SCN10A: variants seen among roughly 807,000 people sequenced by gnomAD.
The protein encoded by SCN10A is sodium channel protein type 10 subunit alpha.
Under a neutral mutation model 170.7 loss-of-function variants are expected in SCN10A, and 162 were observed. The observed-to-expected ratio is 0.95, with a 90% CI of 0.84 to 1.08. SCN10A has a LOEUF of 1.08. Among genes scored for constraint, SCN10A ranks in the 50% least tolerant of loss-of-function variants. SCN10A has a pLI of 0.00. For missense variants in SCN10A, 2,527 were observed against 2,436.9 expected (o/e 1.04, Z -0.78); for synonymous variants, 985 against 904.6 (o/e 1.09, Z -1.59).
At chr3:38,721,703 A>G (rs1010611707) in intron 20 of SCN10A, among the ~76,000 whole-genome samples, 5 of 152,232 alleles carry the variant, frequency 3.3e-5, no homozygotes, top group Non-Finnish European at 7.3e-5. Flanking sequence ...AGATTTATGG[A>G]ATGAGAATCT....
In SCN10A at chr3:38,740,608, C is replaced by T. The variant is rs116775165; in HGVS notation, c.2107-920G>A. 2.4e-3 allele frequency among the ~76,000 whole-genome samples: 360 copies of T among 152,202 alleles called. 2 individuals are homozygous for T. Among genetic ancestry groups the T allele is most frequent in the African/African-American group, 7.7e-3 (320 of 41,520 alleles). On this transcript the variant is annotated intron_variant, in intron 14 of 27. Coordinates refer to ENST00000449082, the MANE Select transcript of SCN10A (RefSeq NM_006514.4). ...CTTGTGTCTTCCAGAGACCTGGGTC[C>T]ACCCTGGATCCACCCTCACCAGCTA...
Position 38,760,574 on chromosome 3 carries a change from A to T in SCN10A, c.950+107T>A, listed in dbSNP as rs906198921. On this transcript the variant is annotated intron_variant, in intron 8 of 27. Transcript: ENST00000449082. Reference sequence around the variant, plus strand: ...CAAAGGCCATGATTTATTTATTTATACATCTTTCCCAGGACCTGCAACCCC... The same window carrying T: ...CAAAGGCCATGATTTATTTATTTATTCATCTTTCCCAGGACCTGCAACCCC... The T allele has an allele frequency of 4.7e-6, 4 of 857,976 alleles. No individual in the cohort carries two copies. In the African/African-American group the frequency reaches 5.1e-5, roughly 11 times the overall value. The allele number at this position is 857,976 out of a possible 1,614,324, so 53.1% of individuals were successfully genotyped here.
rs2063438801 is a variant in SCN10A at position 38,725,121 on chromosome 3, CT to C, written c.3228+52del. 8 of 1,502,572 alleles carry C rather than the reference CT, an allele frequency of 5.3e-6. No homozygotes were observed. In the South Asian group the frequency reaches 1.1e-4, roughly 20 times the overall value. The allele number at this position is 1,502,572 out of a possible 1,614,324, so 93.1% of individuals were successfully genotyped here. ...CCACCCTCCAGCCTCTACCAGCCCA[CT>C]GCTCAGTGTCTGGCTGGCTGTCCAA... On this transcript the variant is annotated intron_variant, in intron 18 of 27. Transcript: ENST00000449082.
chr3:38,753,885 C>G (rs772850179), intron 11 of SCN10A, among the ~76,000 whole-genome samples: 14 of 152,148 alleles, frequency 9.2e-5, no homozygotes, highest in Admixed American at 5.2e-4. Context: ...TCTAACGAGA[C>G]CAACTGGTCT....
chr3:38,777,863 A>G (rs1488767870), intron 4 of SCN10A, among the ~76,000 whole-genome samples: 2 of 152,114 alleles, frequency 1.3e-5, no homozygotes, highest in African/African-American at 4.8e-5. Context: ...ATATGGAAAA[A>G]TATTGGAAGC....
At chr3:38,767,815 C>G (rs2063950305) in intron 5 of SCN10A, among the ~76,000 whole-genome samples, 1 of 152,024 alleles carries the variant, frequency 6.6e-6, no homozygotes, top group African/African-American at 2.4e-5. Flanking sequence ...TCTTGATGAC[C>G]TGTCTAGTGC....
At chr3:38,799,007 T>C (rs2064356387) in intron 1 of SCN10A, among the ~76,000 whole-genome samples, 1 of 152,042 alleles carries the variant, frequency 6.6e-6, no homozygotes. Context: ...GGTCTCAAAC[T>C]CCTGGGCTCA....
intron 1 of SCN10A, among the ~76,000 whole-genome samples, chr3:38,809,140 T>C (rs2064423897): frequency 6.6e-6 from 1 of 152,226 alleles, no homozygotes; most frequent in Non-Finnish European, 1.5e-5. Flanking sequence ...GCAGGTTCCA[T>C]GCAGACAGGT....
intron 24 of SCN10A, 136 bp downstream of exon 24, chr3:38,710,708 A>C: frequency 1.3e-6 from 1 of 781,876 alleles, no homozygotes; most frequent in Non-Finnish European, 2.1e-6. Flanking sequence ...ACACTGCTGC[A>C]AGGAGGGACA....
chr3:38,707,265 C>T lies in SCN10A; in HGVS notation c.4386+14G>A, dbSNP rs751281512. 2 of 1,613,278 alleles carry T rather than the reference C, an allele frequency of 1.2e-6. No homozygotes were observed. Among genetic ancestry groups the T allele is most frequent in the Non-Finnish European group, 8.5e-7 (1 of 1,179,784 alleles). On this transcript the variant is annotated intron_variant, in intron 26 of 27. Transcript: ENST00000449082. ...CACAGACAGGCTGTGCTAGAGGAAA[C>T]CTCTGGGGCTCACCAGGGGCCGTGG...
intron 5 of SCN10A, among the ~76,000 whole-genome samples, chr3:38,766,416 C>T (rs547823486): frequency 1.1e-4 from 17 of 152,134 alleles, no homozygotes; most frequent in African/African-American, 4.1e-4. Context: ...CCCTTCTATG[C>T]CAATTTGGTT....
chr3:38,795,668 TCTC>T (rs143105432), intron 1 of SCN10A, among the ~76,000 whole-genome samples: 2,490 of 152,154 alleles, frequency 0.016, 52 homozygotes, highest in African/African-American at 0.056. Context: ...CTTTCTCTCT[TCTC>T]CTTCTCAGTC....
intron 10 of SCN10A, among the ~76,000 whole-genome samples, chr3:38,756,362 C>T (rs1254748409): frequency 6.6e-6 from 1 of 152,098 alleles, no homozygotes. Context: ...AGGTCATGCC[C>T]CAGAGTTCCC....
At chr3:38,747,445 C>A (rs1375836802) in intron 13 of SCN10A, among the ~76,000 whole-genome samples, 1 of 152,184 alleles carries the variant, frequency 6.6e-6, no homozygotes, top group Non-Finnish European at 1.5e-5. Flanking sequence ...GTATTTACTA[C>A]ATGCCAGTCG....
At chr3:38,804,299 G>C (rs1280042025) in intron 1 of SCN10A, among the ~76,000 whole-genome samples, 1 of 151,978 alleles carries the variant, frequency 6.6e-6, no homozygotes, top group African/African-American at 2.4e-5. Context: ...CTATTACCTT[G>C]CTAAAGAAGA....
chr3:38,740,786 G>C (rs1231673394), intron 14 of SCN10A, among the ~76,000 whole-genome samples: 2 of 152,106 alleles, frequency 1.3e-5, no homozygotes, highest in Non-Finnish European at 2.9e-5. Context: ...TGACTTTCTT[G>C]CTTTAAAAAA....
intron 20 of SCN10A, among the ~76,000 whole-genome samples, chr3:38,721,550 T>C (rs940163878): frequency 6.6e-6 from 1 of 152,188 alleles, no homozygotes; most frequent in Non-Finnish European, 1.5e-5. Context: ...CAAAGCCCAG[T>C]ATTCAGCCAG....
At chr3:38,730,247 C>A (rs1053789624) in intron 15 of SCN10A, among the ~76,000 whole-genome samples, 10 of 152,168 alleles carry the variant, frequency 6.6e-5, no homozygotes, top group African/African-American at 2.4e-4. Flanking sequence ...TAGGTACCAG[C>A]TACAGGAGGA....
In SCN10A at chr3:38,697,280, A is replaced by G. The variant is rs945375119; in HGVS notation, c.*69T>C. On this transcript the variant is annotated 3_prime_UTR_variant, in exon 28 of 28. Coordinates refer to ENST00000449082, the MANE Select transcript of SCN10A (RefSeq NM_006514.4). ...AGGCTGTAGCTGGGTGTGATCTGCA[A>G]TGGGAAAGAGTTAACACAGAGCAGA... 4 of 1,566,602 alleles carry G rather than the reference A, an allele frequency of 2.6e-6. No individual in the cohort carries two copies. The highest frequency in any genetic ancestry group is 1.8e-5 in the Admixed American group (1 of 56,978).
Sources: allele counts gnomAD v4.1 joint callset (sites outside exome capture counted in the v4.1 genomes callset), GRCh38; gene constraint gnomAD v4.1.1; transcripts MANE v1.5; gene names NCBI Gene and HGNC (gene_info 2026-07-23, HGNC 2026-07-21).